ANO4: variants seen among roughly 807,000 people sequenced by gnomAD.
The protein encoded by ANO4 is anoctamin-4.
In ANO4, 69 loss-of-function variants were observed where a neutral mutation model predicts 141.9. The observed-to-expected ratio is 0.49, with a 90% CI of 0.40 to 0.59. The LOEUF (loss-of-function observed/expected upper bound fraction) is 0.59, where lower values mean the gene tolerates loss of function less well. ANO4 is among the 20% of genes least tolerant of loss of function. The pLI, the probability that ANO4 is intolerant of heterozygous loss-of-function variation, is 0.00. For missense variants in ANO4, 894 were observed against 1,162.2 expected (o/e 0.77, Z 3.36); for synonymous variants, 350 against 394.3 (o/e 0.89, Z 1.33).
In ANO4 at chr12:100,743,724, T is replaced by C. The variant is rs550183014; in HGVS notation, c.358+3619T>C. 5.2e-4 allele frequency among the ~76,000 whole-genome samples: 79 copies of C among 152,328 alleles called. 1 individual carries two copies. In the South Asian group the frequency reaches 0.015, roughly 30 times the overall value. Reference sequence around the variant, plus strand: ...TGTCACTTTATTTCCTTCCAATTTTTATTTTAGGTTTGGGAGTACACGTGC... The same window carrying C: ...TGTCACTTTATTTCCTTCCAATTTTCATTTTAGGTTTGGGAGTACACGTGC... On this transcript the variant is annotated intron_variant, in intron 3 of 29. Coordinates refer to the ANO4 transcript ENST00000644049.
chr12:101,091,542 C>G (rs1181565895), intron 17 of ANO4, among the ~76,000 whole-genome samples: 1 of 152,132 alleles, frequency 6.6e-6, no homozygotes. Flanking sequence ...TAGCTTTGAC[C>G]AGTTCAGAAG....
intron 14 of ANO4, among the ~76,000 whole-genome samples, chr12:101,072,970 T>A (rs2048879708): frequency 6.6e-6 from 1 of 152,180 alleles, no homozygotes; most frequent in South Asian, 2.1e-4. Context: ...ATAGGAACGC[T>A]TTTACACTGT....
At chr12:100,987,788 C>T (rs1317772131) in intron 8 of ANO4, 118 bp downstream of exon 8, 1 of 1,398,116 alleles carries the variant, frequency 7.2e-7, no homozygotes, top group Non-Finnish European at 9.6e-7. Flanking sequence ...CCCTTCTCCC[C>T]TAAAAGTCTT....
rs376615651 is a variant in ANO4 at position 100,955,360 on chromosome 12, C to G, written c.456+12825C>G. On this transcript the variant is annotated intron_variant, in intron 5 of 27. Coordinates refer to ENST00000392977, the MANE Select transcript of ANO4 (RefSeq NM_001286615.2). ...TGGCTGGAATGTTGGTGTTGGCTGT[C>G]AGCTGAAAGCTCAGTCAGGGTTGTG... is the stretch of plus-strand genomic sequence containing the variant. 3.3e-5 allele frequency among the ~76,000 whole-genome samples: 5 copies of G among 152,192 alleles called. No homozygotes were observed. The East Asian group carries it at 9.6e-4, about 29-fold the overall frequency.
intron 1 of ANO4, among the ~76,000 whole-genome samples, chr12:100,859,469 T>A (rs1185971848): frequency 6.6e-6 from 1 of 152,112 alleles, no homozygotes; most frequent in Admixed American, 6.6e-5. Flanking sequence ...TGGGGAGTAA[T>A]GTTATGGTGG....
intron 9 of ANO4, among the ~76,000 whole-genome samples, chr12:101,026,143 C>CTT (rs1430501898): frequency 1.3e-5 from 2 of 152,018 alleles, no homozygotes; most frequent in African/African-American, 4.8e-5. Flanking sequence ...CAATGGAATC[C>CTT]ATTAAAAGGG....
intron 1 of ANO4, among the ~76,000 whole-genome samples, chr12:100,867,768 T>C (rs978416710): frequency 3.9e-5 from 6 of 152,166 alleles, no homozygotes; most frequent in Admixed American, 6.5e-5. Context: ...GCCTACATTC[T>C]TTGAGTCCTG....
At chr12:101,115,256 C>T (rs936200118) in intron 24 of ANO4, among the ~76,000 whole-genome samples, 3 of 152,162 alleles carry the variant, frequency 2.0e-5, no homozygotes, top group African/African-American at 4.8e-5. Context: ...ATATAATCCC[C>T]TCAAGGACCC....
At chr12:100,917,164 C>T (rs2041381479) in intron 2 of ANO4, among the ~76,000 whole-genome samples, 1 of 152,114 alleles carries the variant, frequency 6.6e-6, no homozygotes, top group Non-Finnish European at 1.5e-5. Flanking sequence ...ATGGAGATCA[C>T]ATGGATTTTG....
At chr12:100,736,413 T>A (rs545689174) in intron 2 of ANO4, among the ~76,000 whole-genome samples, 1 of 152,134 alleles carries the variant, frequency 6.6e-6, no homozygotes, top group African/African-American at 2.4e-5. Flanking sequence ...ATGGAGTCCC[T>A]GAGAGGGTAA....
At chr12:100,724,280 A>C (rs1377863196) in intron 1 of ANO4, among the ~76,000 whole-genome samples, 1 of 152,244 alleles carries the variant, frequency 6.6e-6, no homozygotes, top group African/African-American at 2.4e-5. Context: ...TTTAAAATGC[A>C]GGAAAGGTGA....
chr12:101,022,443 C>T (rs1430189349), intron 9 of ANO4, among the ~76,000 whole-genome samples: 16 of 152,220 alleles, frequency 1.1e-4, no homozygotes. Context: ...AAATCTACCA[C>T]ATAAAGAGAA....
At chr12:100,870,947 C>T (rs2039003944) in intron 1 of ANO4, among the ~76,000 whole-genome samples, 1 of 152,088 alleles carries the variant, frequency 6.6e-6, no homozygotes, top group Non-Finnish European at 1.5e-5. Flanking sequence ...AATAGATATA[C>T]TTATTCTCTG....
In ANO4 at chr12:101,127,078, G is replaced by A. The variant is rs367694820; in HGVS notation, c.*4+4G>A. On this transcript the variant is annotated splice_donor_region_variant and intron_variant, in intron 27 of 27. Transcript: ENST00000392977. ...CACAACGAGTGGCCGTGACCATGTA[G>A]GTGAGAGGTGTGCTCAGCGTCTGAG... 116 of 1,609,800 alleles carry A rather than the reference G, an allele frequency of 7.2e-5. No homozygotes were observed. The highest frequency in any genetic ancestry group is 9.4e-5 in the Non-Finnish European group (111 of 1,177,758).
At chr12:100,817,404 T>A (rs1013970385) in intron 1 of ANO4, among the ~76,000 whole-genome samples, 3 of 151,812 alleles carry the variant, frequency 2.0e-5, no homozygotes, top group Non-Finnish European at 2.9e-5. Flanking sequence ...TGGACATGAT[T>A]TGAGATATTG....
chr12:100,828,332 A>G lies in ANO4; in HGVS notation c.-141+33305A>G, dbSNP rs1026449983. ...AACTGTGTTTAATCATGGAAACCTCATTCCTATTTTCCAAGTGGCAGTGAC... is the reference window on the plus strand; with the variant it reads ...AACTGTGTTTAATCATGGAAACCTCGTTCCTATTTTCCAAGTGGCAGTGAC... On this transcript the variant is annotated intron_variant, in intron 1 of 27. Transcript: ENST00000392977. 3.3e-5 allele frequency among the ~76,000 whole-genome samples: 5 copies of G among 152,018 alleles called. No homozygotes were observed. The East Asian group carries it at 7.8e-4, about 24-fold the overall frequency.
chr12:101,114,228 GT>G (rs1465689105), intron 24 of ANO4, among the ~76,000 whole-genome samples: 21 of 152,188 alleles, frequency 1.4e-4, no homozygotes, highest in Non-Finnish European at 2.6e-4. Context: ...ACAGCAAAAT[GT>G]GATAAATCTC....
chr12:100,854,888 G>A (rs1353762387), intron 1 of ANO4, among the ~76,000 whole-genome samples: 2 of 152,130 alleles, frequency 1.3e-5, no homozygotes, highest in Non-Finnish European at 2.9e-5. Context: ...TTTTTGAGGA[G>A]GGGATTCCAT....
At chr12:100,927,299 T>A (rs1274631930) in intron 3 of ANO4, among the ~76,000 whole-genome samples, 3 of 152,100 alleles carry the variant, frequency 2.0e-5, no homozygotes, top group African/African-American at 7.2e-5. Context: ...CAGATAGATT[T>A]AGTTTGATGC....
Sources: allele counts gnomAD v4.1 joint callset (sites outside exome capture counted in the v4.1 genomes callset), GRCh38; gene constraint gnomAD v4.1.1; transcripts MANE v1.5; gene names NCBI Gene and HGNC (gene_info 2026-07-23, HGNC 2026-07-21).